DNM3: variants seen among roughly 807,000 people sequenced by gnomAD.
The protein encoded by DNM3 is dynamin 3, also known as dynamin-3.
A neutral mutation model predicts 101.6 loss-of-function variants in DNM3; 47 were observed. The observed-to-expected ratio is 0.46, with a 90% CI of 0.37 to 0.59. The LOEUF is 0.59. DNM3 is among the 20% of genes least tolerant of loss of function. The pLI, the probability that DNM3 is intolerant of heterozygous loss-of-function variation, is 0.00. For synonymous variants in DNM3, 385 were observed against 387.9 expected, an observed-to-expected ratio of 0.99 and a Z score of 0.09; for missense variants, 849 against 1,085.7, an observed-to-expected ratio of 0.78 and a Z score of 3.06.
chr1:171,969,572 C>T (rs144281179), intron 2 of DNM3, among the ~76,000 whole-genome samples: 96 of 152,164 alleles, frequency 6.3e-4, no homozygotes, highest in African/African-American at 2.0e-3. Context: ...TTCCTAGAAA[C>T]GGGGGGTCTT....
At chr1:171,995,212 T>A (rs1033034064) in intron 4 of DNM3, among the ~76,000 whole-genome samples, 77 of 151,092 alleles carry the variant, frequency 5.1e-4, no homozygotes, top group African/African-American at 1.8e-3. Context: ...TTCAAGTGAT[T>A]CTCCTGCCTC....
intron 15 of DNM3, among the ~76,000 whole-genome samples, chr1:172,307,626 A>G (rs555364738): frequency 1.3e-5 from 2 of 152,268 alleles, no homozygotes; most frequent in East Asian, 3.9e-4. Context: ...AACTGACCCA[A>G]ATGTCCATCA....
chr1:172,069,277 G>A (rs1221052808), intron 11 of DNM3, among the ~76,000 whole-genome samples: 1 of 151,872 alleles, frequency 6.6e-6, no homozygotes, highest in Non-Finnish European at 1.5e-5. Flanking sequence ...CTTTTATTGG[G>A]CCCACAGATG....
chr1:172,096,638 T>C (rs1251337593), intron 13 of DNM3, among the ~76,000 whole-genome samples: 1 of 152,162 alleles, frequency 6.6e-6, no homozygotes, highest in African/African-American at 2.4e-5. Context: ...AAAAGTCAGA[T>C]TGGGATCCAG....
chr1:171,985,620 G>T (rs1185697090), intron 2 of DNM3, among the ~76,000 whole-genome samples: 1 of 152,202 alleles, frequency 6.6e-6, no homozygotes, highest in African/African-American at 2.4e-5. Flanking sequence ...ACATTATATG[G>T]AGAAACTAAG....
At chr1:172,131,383 G>T in intron 14 of DNM3, 95 bp downstream of exon 14, 2 of 1,034,624 alleles carry the variant, frequency 1.9e-6, no homozygotes, top group Non-Finnish European at 2.9e-6. Flanking sequence ...AGACACCAGT[G>T]GTTCTCTTTC....
chr1:172,050,125 A>G (rs1271373941), intron 10 of DNM3, among the ~76,000 whole-genome samples: 1 of 152,110 alleles, frequency 6.6e-6, no homozygotes, highest in Non-Finnish European at 1.5e-5. Flanking sequence ...CAATCTTTCT[A>G]CCATCTCACC....
At chr1:172,313,581 A>T (rs990383032) in intron 16 of DNM3, among the ~76,000 whole-genome samples, 2 of 152,182 alleles carry the variant, frequency 1.3e-5, no homozygotes, top group African/African-American at 4.8e-5. Flanking sequence ...TCACAGTTGG[A>T]TCCTGAGCCT....
chr1:172,396,310 G>C (rs2069994754), intron 20 of DNM3, among the ~76,000 whole-genome samples: 1 of 152,030 alleles, frequency 6.6e-6, no homozygotes, highest in African/African-American at 2.4e-5. Flanking sequence ...AGCAAGGTAG[G>C]GTCTTCCTAA....
chr1:172,359,125 A>ACACACAC lies in DNM3; in HGVS notation c.1894-19893_1894-19892insCACACAC, dbSNP rs2067600295. On this transcript the variant is annotated intron_variant, in intron 17 of 20. Coordinates refer to ENST00000627582, the MANE Select transcript of DNM3 (RefSeq NM_015569.5). Reference sequence around the variant, plus strand: ...ATGGGCATCTGAACAACTCCCACAAAACACACACACACACACACACACACA... The same window carrying ACACACAC: ...ATGGGCATCTGAACAACTCCCACAAACACACACACACACACACACACACACACACACA... Among the ~76,000 whole-genome samples the ACACACAC allele has an allele frequency of 1.1e-4, 16 of 145,818 alleles. No homozygotes were observed. In the East Asian group the frequency reaches 1.3e-3, roughly 12 times the overall value.
At chr1:171,893,458 T>TC (rs2037478268) in intron 1 of DNM3, among the ~76,000 whole-genome samples, 1 of 151,854 alleles carries the variant, frequency 6.6e-6, no homozygotes, top group South Asian at 2.1e-4. Context: ...TTTGACTTTT[T>TC]TTTTTTGTCT....
At chr1:172,107,831 A>G (rs1477793990) in intron 13 of DNM3, among the ~76,000 whole-genome samples, 1 of 152,236 alleles carries the variant, frequency 6.6e-6, no homozygotes, top group Non-Finnish European at 1.5e-5. Flanking sequence ...TTCTGTCCCC[A>G]AAGCACGAAT....
intron 1 of DNM3, among the ~76,000 whole-genome samples, chr1:171,891,762 ACAT>A (rs2037304414): frequency 6.6e-6 from 1 of 152,204 alleles, no homozygotes; most frequent in Non-Finnish European, 1.5e-5. Context: ...CCATCTTATC[ACAT>A]CATATCAAAG....
At chr1:172,072,398 G>A (rs2125949780) in intron 11 of DNM3, among the ~76,000 whole-genome samples, 1 of 152,198 alleles carries the variant, frequency 6.6e-6, no homozygotes, top group South Asian at 2.1e-4. Flanking sequence ...GAGTAGATTT[G>A]GAGTGATCTT....
At chr1:172,402,504 A>AT (rs1428164699) in intron 20 of DNM3, among the ~76,000 whole-genome samples, 1 of 152,150 alleles carries the variant, frequency 6.6e-6, no homozygotes, top group African/African-American at 2.4e-5. Context: ...TTTTAAGCAG[A>AT]TATCTTCTCT....
chr1:172,010,864 A>C (rs2047080029), intron 4 of DNM3, among the ~76,000 whole-genome samples: 1 of 151,556 alleles, frequency 6.6e-6, no homozygotes, highest in South Asian at 2.1e-4. Context: ...ATAACTGTTT[A>C]AATGTCATTT....
chr1:172,402,272 C>A (rs984883588), intron 20 of DNM3, among the ~76,000 whole-genome samples: 1 of 151,950 alleles, frequency 6.6e-6, no homozygotes, highest in African/African-American at 2.4e-5. Context: ...GTAGATAAAA[C>A]CCTTCATTTT....
At chr1:172,373,896 C>T (rs2068476667) in intron 17 of DNM3, among the ~76,000 whole-genome samples, 2 of 152,082 alleles carry the variant, frequency 1.3e-5, no homozygotes, top group African/African-American at 4.8e-5. Flanking sequence ...TTATCATCTT[C>T]ACAAAGTTAT....
chr1:172,056,064 T>A (rs1270750008), intron 10 of DNM3, among the ~76,000 whole-genome samples: 1 of 152,040 alleles, frequency 6.6e-6, no homozygotes, highest in African/African-American at 2.4e-5. Context: ...CCTTTCCTAG[T>A]CAAAGAAAGG....
Sources: gnomAD v4.1 joint callset for allele counts (sites outside exome capture counted in the v4.1 genomes callset) on GRCh38, gnomAD v4.1.1 for gene constraint, MANE v1.5 for transcripts, NCBI Gene and HGNC (gene_info 2026-07-23, HGNC 2026-07-21) for gene names.